SOAT1: variants seen among roughly 807,000 people sequenced by gnomAD.
SOAT1 encodes sterol O-acyltransferase 1.
A neutral mutation model predicts 69.5 loss-of-function variants in SOAT1; 55 were observed. The ratio of observed to expected loss-of-function variants is 0.79; its 90% CI spans 0.64 to 0.99. The LOEUF (loss-of-function observed/expected upper bound fraction) is 0.99, where lower values mean the gene tolerates loss of function less well. Ranked by LOEUF, SOAT1 falls within the 50% of genes least tolerant of loss-of-function variation. The pLI, the probability that SOAT1 is intolerant of heterozygous loss-of-function variation, is 0.00. For synonymous variants in SOAT1, 231 were observed against 224.7 expected, an observed-to-expected ratio of 1.03 and a Z score of -0.25; for missense variants, 580 against 669.3, an observed-to-expected ratio of 0.87 and a Z score of 1.47.
At chr1:179,328,547 G>T (rs1324865468) in intron 3 of SOAT1, among the ~76,000 whole-genome samples, 1 of 152,096 alleles carries the variant, frequency 6.6e-6, no homozygotes, top group Non-Finnish European at 1.5e-5. Context: ...TACAGCCCTG[G>T]CCTGGACATT....
intron 3 of SOAT1, among the ~76,000 whole-genome samples, chr1:179,333,542 A>G (rs1666041167): frequency 6.6e-6 from 1 of 152,054 alleles, no homozygotes; most frequent in Non-Finnish European, 1.5e-5. Context: ...TCTCTATTTA[A>G]AAAGGTAAAA....
At chr1:179,321,754 A>C (rs12031660) in intron 2 of SOAT1, among the ~76,000 whole-genome samples, 36,336 of 152,076 alleles carry the variant, frequency 0.24, 4,545 homozygotes, top group East Asian at 0.47. Flanking sequence ...AGACATGTTT[A>C]ATCTACTGTT....
chr1:179,319,722 T>C (rs1665529106), intron 2 of SOAT1, among the ~76,000 whole-genome samples: 1 of 152,178 alleles, frequency 6.6e-6, no homozygotes, highest in Admixed American at 6.5e-5. Flanking sequence ...GTTCAAGCGA[T>C]TCTCTCACCT....
chr1:179,342,812 C>A, intron 8 of SOAT1, 50 bp from the exon 9 acceptor site: 1 of 1,314,378 alleles, frequency 7.6e-7, no homozygotes, highest in Non-Finnish European at 1.1e-6. Context: ...TGTATTTTTG[C>A]TGTGAAAAAT....
intron 3 of SOAT1, among the ~76,000 whole-genome samples, chr1:179,332,145 T>C (rs1225177902): frequency 6.6e-6 from 1 of 152,214 alleles, no homozygotes; most frequent in Non-Finnish European, 1.5e-5. Context: ...CCTTTTTTCA[T>C]TGTAATACTC....
At chr1:179,327,602 A>G (rs1665835805) in intron 3 of SOAT1, among the ~76,000 whole-genome samples, 1 of 152,248 alleles carries the variant, frequency 6.6e-6, no homozygotes, top group African/African-American at 2.4e-5. Context: ...TTTAGTAATC[A>G]TGCAATATTT....
At chr1:179,351,107 G>A (rs1292532716) in intron 14 of SOAT1, among the ~76,000 whole-genome samples, 2 of 139,080 alleles carry the variant, frequency 1.4e-5, no homozygotes, top group South Asian at 2.3e-4. Context: ...GCAGTGGTAT[G>A]ATCTCAGCTC....
chr1:179,348,378 G>C (rs1666604096), intron 12 of SOAT1, among the ~76,000 whole-genome samples: 1 of 152,078 alleles, frequency 6.6e-6, no homozygotes, highest in South Asian at 2.1e-4. Flanking sequence ...GGGATACCAG[G>C]ACTTTGAGGT....
rs534320744 is a variant in SOAT1 at position 179,327,550 on chromosome 1, C to T, written c.177+4055C>T. Among the ~76,000 whole-genome samples the T allele has an allele frequency of 8.9e-4, 135 of 152,262 alleles. 1 individual carries two copies. The highest frequency in any genetic ancestry group is 3.2e-3 in the African/African-American group (132 of 41,530). On this transcript the variant is annotated intron_variant, in intron 3 of 15. Coordinates refer to ENST00000367619, the MANE Select transcript of SOAT1 (RefSeq NM_003101.6). ...TAGAGTTGTCAGGTAAAATACAGTA[C>T]GTCCAGTCGAATTTGAATTTCTGAT...
chr1:179,316,432 T>C (rs771773459), intron 2 of SOAT1, among the ~76,000 whole-genome samples: 4 of 152,196 alleles, frequency 2.6e-5, no homozygotes, highest in Non-Finnish European at 5.9e-5. Flanking sequence ...GTTTCACTCT[T>C]GTTGCCCAGG....
At chr1:179,331,314 C>G (rs1197822787) in intron 3 of SOAT1, among the ~76,000 whole-genome samples, 1 of 152,200 alleles carries the variant, frequency 6.6e-6, no homozygotes, top group African/African-American at 2.4e-5. Flanking sequence ...TGCTTGGTTT[C>G]TTTGTCTATC....
intron 1 of SOAT1, among the ~76,000 whole-genome samples, chr1:179,299,336 T>C (rs1192476071): frequency 1.3e-5 from 2 of 152,226 alleles, no homozygotes; most frequent in East Asian, 3.8e-4. Context: ...TCTAAGGTTG[T>C]AAAGATTAAA....
At chr1:179,343,732 G>A (rs1666422268) in intron 10 of SOAT1, 97 bp downstream of exon 10, 1 of 875,250 alleles carries the variant, frequency 1.1e-6, no homozygotes, top group Admixed American at 2.5e-5. Context: ...TGGGAGCTAA[G>A]AATGCTTTCT....
intron 2 of SOAT1, among the ~76,000 whole-genome samples, chr1:179,320,631 G>T (rs1173015392): frequency 6.6e-6 from 1 of 152,116 alleles, no homozygotes; most frequent in African/African-American, 2.4e-5. Context: ...AATATGGGAT[G>T]TCTTTAGACT....
chr1:179,350,278 G>C lies in SOAT1; in HGVS notation c.1315-18G>C. 6.2e-7 allele frequency: 1 copy of C among 1,607,366 alleles called. No individual in the cohort carries two copies. Among genetic ancestry groups the C allele is most frequent in the South Asian group, 1.1e-5 (1 of 89,954 alleles). ...AAATTTTTAAAAATTACTTTGTAGTGTTTTCCTTTTTCTTTAGTTTTTCTC... is the reference window on the plus strand; with the variant it reads ...AAATTTTTAAAAATTACTTTGTAGTCTTTTCCTTTTTCTTTAGTTTTTCTC... On this transcript the variant is annotated intron_variant, in intron 13 of 15. Transcript: ENST00000367619.
chr1:179,343,533 T>C (rs751140704), intron 9 of SOAT1, 57 bp from the exon 10 acceptor site: 1,119 of 1,461,740 alleles, frequency 7.7e-4, no homozygotes, highest in Non-Finnish European at 1.0e-3. Flanking sequence ...GTGAGGGTCT[T>C]TATTCAAGTT....
At chr1:179,336,792 C>T (rs1666173317) in intron 4 of SOAT1, among the ~76,000 whole-genome samples, 1 of 151,874 alleles carries the variant, frequency 6.6e-6, no homozygotes, top group Non-Finnish European at 1.5e-5. Flanking sequence ...GTCAGAAGTT[C>T]AAGACCAGCC....
chr1:179,341,815 A>G (rs560795530), intron 7 of SOAT1, among the ~76,000 whole-genome samples: 1 of 152,250 alleles, frequency 6.6e-6, no homozygotes, highest in African/African-American at 2.4e-5. Flanking sequence ...TTACAGGCGT[A>G]AGCCACCGCG....
rs1666209718 is a variant in SOAT1, at chr1:179,337,829, C to T, written c.330-8C>T. The T allele has an allele frequency of 4.4e-6, 7 of 1,603,966 alleles. No individual in the cohort carries two copies. Among genetic ancestry groups the T allele is most frequent in the Non-Finnish European group, 6.0e-6 (7 of 1,174,310 alleles). On this transcript the variant is annotated splice_polypyrimidine_tract_variant and splice_region_variant and intron_variant, in intron 4 of 15. Transcript: ENST00000367619. ...CTTATATCTTGTTTTAATTTTTCCTCTTCTCAGGGATTTGAGAGCACCTCC... is the reference window on the plus strand; with the variant it reads ...CTTATATCTTGTTTTAATTTTTCCTTTTCTCAGGGATTTGAGAGCACCTCC...
Sources: allele counts gnomAD v4.1 joint callset (sites outside exome capture counted in the v4.1 genomes callset), GRCh38; gene constraint gnomAD v4.1.1; transcripts MANE v1.5; gene names NCBI Gene and HGNC (gene_info 2026-07-23, HGNC 2026-07-21).